CRTC1: variants seen among roughly 807,000 people sequenced by gnomAD.
The protein encoded by CRTC1 is CREB-regulated transcription coactivator 1.
CRTC1 carries 18 observed loss-of-function variants against 66.1 expected under a neutral mutation model. The ratio of observed to expected loss-of-function variants is 0.27; its 90% CI spans 0.19 to 0.40. The LOEUF is 0.40. CRTC1 is among the 10% of genes least tolerant of loss of function. The pLI is 1.00. For synonymous variants in CRTC1, 416 were observed against 398.8 expected (o/e 1.04, Z -0.51); for missense variants, 669 against 887.9 (o/e 0.75, Z 3.13).
chr19:18,695,691 C>T (rs1303939831), intron 1 of CRTC1, among the ~76,000 whole-genome samples: 1 of 152,008 alleles, frequency 6.6e-6, no homozygotes, highest in Admixed American at 6.6e-5. Flanking sequence ...CAGTGAAACC[C>T]CGTCTCTACT....
At position 18,738,272 on chromosome 19, in the gene CRTC1, G is replaced by A. The variant is rs530748271; in HGVS notation, c.127-4638G>A. On this transcript the variant is annotated intron_variant, in intron 1 of 13. Transcript: ENST00000321949. ...GCCAAGGCTGCAGTGAGGTGTGATTGTGCCACTGCCCTCCAGCCTGGGTGA... is the reference window on the plus strand; with the variant it reads ...GCCAAGGCTGCAGTGAGGTGTGATTATGCCACTGCCCTCCAGCCTGGGTGA... 2.6e-5 allele frequency among the ~76,000 whole-genome samples: 4 copies of A among 152,266 alleles called. No homozygotes were observed. The South Asian group carries it at 8.3e-4, about 32-fold the overall frequency.
rs554645696 is a variant in CRTC1 at position 18,781,893 on chromosome 19, TG to T, written c.*4516del. ...CCCCATCTCGAAGTGTTCTGGAATT[TG>T]GGGGCAACCCTTGCCCAGCCCAGCC... On this transcript the variant is annotated 3_prime_UTR_variant, in exon 14 of 14. Coordinates refer to ENST00000321949, the MANE Select transcript of CRTC1 (RefSeq NM_015321.3). 94 of 230,582 alleles carry T rather than the reference TG, an allele frequency of 4.1e-4. No individual in the cohort carries two copies. Among genetic ancestry groups the T allele is most frequent in the African/African-American group, 2.0e-3 (89 of 45,300 alleles). The allele number at this position is 230,582 out of a possible 1,614,324, so 14.3% of individuals were successfully genotyped here.
intron 1 of CRTC1, among the ~76,000 whole-genome samples, chr19:18,736,379 G>T (rs1468383611): frequency 1.3e-5 from 2 of 152,074 alleles, no homozygotes; most frequent in African/African-American, 4.8e-5. Flanking sequence ...GCATTCGCTG[G>T]GCTGGAGAAA....
rs577693695 is a variant in CRTC1 at position 18,685,084 on chromosome 19, C to T, written c.126+1256C>T. On this transcript the variant is annotated intron_variant, in intron 1 of 13. Transcript: ENST00000321949. The stretch of plus-strand genomic sequence containing the variant: ...CAGATTCAGCCACTGATGTGACTGG[C>T]TCAGGTAGACTTAACCTCAGTCTCT... 2.1e-3 allele frequency among the ~76,000 whole-genome samples: 323 copies of T among 152,288 alleles called. 1 individual carries two copies. The highest frequency in any genetic ancestry group is 7.5e-3 in the African/African-American group (310 of 41,552).
At chr19:18,766,115 T>G (rs908842441) in intron 9 of CRTC1, among the ~76,000 whole-genome samples, 2 of 151,894 alleles carry the variant, frequency 1.3e-5, no homozygotes, top group Non-Finnish European at 2.9e-5. Context: ...ATAATACTCT[T>G]TTGTAATCCT....
rs10425258 is a variant in CRTC1 at position 18,759,635 on chromosome 19, C to T, written c.665+44C>T. On this transcript the variant is annotated intron_variant, in intron 7 of 13. Transcript: ENST00000321949. ...CACCCCGCACACTGCATCTGCTGCG[C>T]TGCTCCGTCCACCCTGGGGCATTCT... 17 of 1,598,398 alleles carry T rather than the reference C, an allele frequency of 1.1e-5. No individual in the cohort carries two copies. The African/African-American group carries it at 2.0e-4, about 19-fold the overall frequency.
chr19:18,716,076 A>T (rs2053500613), intron 1 of CRTC1, among the ~76,000 whole-genome samples: 1 of 151,944 alleles, frequency 6.6e-6, no homozygotes, highest in Non-Finnish European at 1.5e-5. Context: ...TGCCTCCGGG[A>T]TTCCCAGAGT....
chr19:18,769,909 C>T (rs1262068444), intron 10 of CRTC1, among the ~76,000 whole-genome samples: 2 of 152,158 alleles, frequency 1.3e-5, no homozygotes, highest in Non-Finnish European at 2.9e-5. Context: ...TCCCTCTGAT[C>T]CCTTTGTCCT....
chr19:18,708,744 T>G (rs2053322079), intron 1 of CRTC1, among the ~76,000 whole-genome samples: 1 of 152,138 alleles, frequency 6.6e-6, no homozygotes, highest in Non-Finnish European at 1.5e-5. Context: ...GCCTGGCCCT[T>G]CCCTTCCCAC....
rs745877749 is a variant in CRTC1, at chr19:18,759,535, C to T, written c.625-16C>T. 2 of 1,611,880 alleles carry T rather than the reference C, an allele frequency of 1.2e-6. No homozygotes were observed. Among genetic ancestry groups the T allele is most frequent in the Middle Eastern group, 1.7e-4 (1 of 6,058 alleles). On this transcript the variant is annotated splice_polypyrimidine_tract_variant and intron_variant, in intron 6 of 13. Coordinates refer to ENST00000321949, the MANE Select transcript of CRTC1 (RefSeq NM_015321.3). Reference sequence around the variant, plus strand: ...GGTGTGCCCCAGGGCTCAGGCTCTCCTGTCTTCTCTTTCAGACGGGGTCCA... The same window carrying T: ...GGTGTGCCCCAGGGCTCAGGCTCTCTTGTCTTCTCTTTCAGACGGGGTCCA...
chr19:18,766,297 T>TG (rs1555787869), intron 9 of CRTC1, among the ~76,000 whole-genome samples: 3 of 134,996 alleles, frequency 2.2e-5, no homozygotes, highest in African/African-American at 1.1e-4. Flanking sequence ...ATTTTTTTTT[T>TG]TTTTTTTTTT....
chr19:18,742,788 G>A, intron 1 of CRTC1, 122 bp from the exon 2 acceptor site: 1 of 718,768 alleles, frequency 1.4e-6, no homozygotes. Flanking sequence ...ATGAGGTCCT[G>A]CAAACTTCTG....
intron 12 of CRTC1, 21 bp from the exon 13 acceptor site, chr19:18,775,620 C>T (rs756725759): frequency 6.5e-7 from 1 of 1,546,984 alleles, no homozygotes; most frequent in South Asian, 1.2e-5. Context: ...CCCTCACAGC[C>T]TGGTGTGCCT....
At chr19:18,688,567 T>A (rs1159847736) in intron 1 of CRTC1, among the ~76,000 whole-genome samples, 1 of 151,974 alleles carries the variant, frequency 6.6e-6, no homozygotes, top group African/African-American at 2.4e-5. Flanking sequence ...GCCTCCCAAG[T>A]AGCTGGAATT....
intron 3 of CRTC1, among the ~76,000 whole-genome samples, chr19:18,746,552 C>T (rs2054242830): frequency 6.7e-6 from 1 of 148,348 alleles, no homozygotes. Flanking sequence ...GTCTGAGCGG[C>T]CTCAGGTTGC....
At chr19:18,770,438 C>A (rs367886278) in intron 10 of CRTC1, among the ~76,000 whole-genome samples, 47 of 152,226 alleles carry the variant, frequency 3.1e-4, no homozygotes, top group African/African-American at 1.1e-3. Flanking sequence ...CAGTCCCCAC[C>A]CCCAGAGGTG....
At chr19:18,775,104 GCCCCT>G in intron 12 of CRTC1, 118 bp downstream of exon 12, 1 of 1,001,330 alleles carries the variant, frequency 1.0e-6, no homozygotes, top group Non-Finnish European at 1.5e-6. Context: ...GCCCGTGCCT[GCCCCT>G]CAGCTTTGCC....
At chr19:18,737,199 T>TG (rs1186463529) in intron 1 of CRTC1, among the ~76,000 whole-genome samples, 1 of 96,618 alleles carries the variant, frequency 1.0e-5, no homozygotes, top group African/African-American at 4.2e-5. Flanking sequence ...CAGCAAGGGG[T>TG]GGGGGTCAGC....
At chr19:18,766,426 A>C (rs535898895) in intron 9 of CRTC1, among the ~76,000 whole-genome samples, 5 of 149,532 alleles carry the variant, frequency 3.3e-5, no homozygotes, top group Admixed American at 6.7e-5. Context: ...GATGTGAGCC[A>C]CCGCGCCTGA....
Sources: allele counts gnomAD v4.1 joint callset (sites outside exome capture counted in the v4.1 genomes callset), GRCh38; gene constraint gnomAD v4.1.1; transcripts MANE v1.5; gene names NCBI Gene and HGNC (gene_info 2026-07-23, HGNC 2026-07-21).